ZMYND12: variants seen among roughly 807,000 people sequenced by gnomAD.
The protein encoded by ZMYND12 is zinc finger MYND domain-containing protein 12.
ZMYND12 carries 32 observed loss-of-function variants against 41.7 expected under a neutral mutation model. The ratio of observed to expected loss-of-function variants is 0.77; its 90% CI spans 0.58 to 1.03. The LOEUF (loss-of-function observed/expected upper bound fraction) is 1.03. Among genes scored for constraint, ZMYND12 ranks in the 50% least tolerant of loss-of-function variants. ZMYND12 has a pLI of 0.00. For synonymous variants in ZMYND12, 148 were observed against 164.8 expected (o/e 0.90, Z 0.78); for missense variants, 424 against 438.5 (o/e 0.97, Z 0.30).
intron 6 of ZMYND12, 66 bp downstream of exon 6, chr1:42,435,208 G>A (rs1642893710): frequency 1.6e-6 from 2 of 1,253,614 alleles, no homozygotes; most frequent in African/African-American, 1.5e-5. Flanking sequence ...TCCCTCTTAG[G>A]GACAAGGTCT....
chr1:42,437,689 T>A (rs11210644), intron 4 of ZMYND12, among the ~76,000 whole-genome samples: 50,268 of 147,822 alleles, frequency 0.34, 8,736 homozygotes, highest in East Asian at 0.62. Context: ...ATTTTCATAT[T>A]TTTTTTTTTG....
intron 7 of ZMYND12, chr1:42,432,738 G>A (rs67515109): frequency 0.22 from 36,877 of 168,282 alleles, 4,322 homozygotes; most frequent in South Asian, 0.43. Context: ...ATAACTGGTA[G>A]GTAAAAGTAC....
intron 1 of ZMYND12, among the ~76,000 whole-genome samples, chr1:42,455,424 C>T (rs1332551280): frequency 2.6e-5 from 4 of 152,270 alleles, no homozygotes; most frequent in Non-Finnish European, 5.9e-5. Flanking sequence ...AGGCGCCCAG[C>T]ACCACTCCCG....
intron 5 of ZMYND12, 130 bp from the exon 6 acceptor site, chr1:42,435,515 G>A (rs1642897204): frequency 8.9e-6 from 6 of 677,760 alleles, no homozygotes; most frequent in Admixed American, 2.3e-5. Context: ...ACTGTGCCTG[G>A]AGGCAGAGGG....
intron 4 of ZMYND12, among the ~76,000 whole-genome samples, chr1:42,436,960 C>T (rs1244210995): frequency 1.3e-5 from 2 of 152,126 alleles, no homozygotes; most frequent in Non-Finnish European, 2.9e-5. Flanking sequence ...AATTCCTCTT[C>T]TAAGTACCTA....
At chr1:42,434,478 T>C (rs769931915) in intron 6 of ZMYND12, among the ~76,000 whole-genome samples, 2 of 152,038 alleles carry the variant, frequency 1.3e-5, no homozygotes, top group Non-Finnish European at 2.9e-5. Flanking sequence ...CTGTTAGGAA[T>C]CGGGCTGCAC....
chr1:42,446,469 T>C (rs555018096), intron 3 of ZMYND12, among the ~76,000 whole-genome samples: 11 of 151,964 alleles, frequency 7.2e-5, no homozygotes, highest in Non-Finnish European at 1.3e-4. Context: ...ATCACAAACA[T>C]GGTGAAACCC....
At chr1:42,440,538 T>G (rs1642957932) in intron 3 of ZMYND12, among the ~76,000 whole-genome samples, 1 of 152,144 alleles carries the variant, frequency 6.6e-6, no homozygotes, top group African/African-American at 2.4e-5. Context: ...AGGGAGGCAC[T>G]AAGAGGGAGT....
intron 2 of ZMYND12, 44 bp downstream of exon 2, chr1:42,449,874 C>A: frequency 6.2e-7 from 1 of 1,601,226 alleles, no homozygotes; most frequent in South Asian, 1.1e-5. Context: ...TGGGCAGCTT[C>A]ACCGCACCTA....
At chr1:42,455,682 G>C (rs1643158977) in intron 1 of ZMYND12, among the ~76,000 whole-genome samples, 1 of 152,232 alleles carries the variant, frequency 6.6e-6, no homozygotes, top group Non-Finnish European at 1.5e-5. Context: ...ATAACACAGA[G>C]TACGCCTTCA....
intron 6 of ZMYND12, among the ~76,000 whole-genome samples, chr1:42,434,480 G>C (rs1468295685): frequency 6.6e-6 from 1 of 151,930 alleles, no homozygotes; most frequent in African/African-American, 2.4e-5. Context: ...GTTAGGAATC[G>C]GGCTGCACAG....
At position 42,452,949 on chromosome 1, in the gene ZMYND12, C is replaced by T. The variant is rs58594244; in HGVS notation, c.111-2890G>A. ...ATATTTTCAGGTTTTCTGCAGTGAG[C>T]ATGAATTGCAATTATAATCAGGAAA... On this transcript the variant is annotated intron_variant, in intron 1 of 7. Coordinates refer to ENST00000372565, the MANE Select transcript of ZMYND12 (RefSeq NM_032257.5). Among the ~76,000 whole-genome samples the T allele has an allele frequency of 7.7e-3, 1,171 of 151,672 alleles. 14 individuals carry two copies. Among genetic ancestry groups the T allele is most frequent in the African/African-American group, 0.026 (1,056 of 41,014 alleles).
At chr1:42,433,336 T>C in intron 6 of ZMYND12, 48 bp from the exon 7 acceptor site, 2 of 1,543,130 alleles carry the variant, frequency 1.3e-6, no homozygotes, top group Non-Finnish European at 1.7e-6. Context: ...GGCAACTGAG[T>C]CTGCCCTCAT....
At chr1:42,453,503 T>C (rs1011809781) in intron 1 of ZMYND12, among the ~76,000 whole-genome samples, 3 of 152,188 alleles carry the variant, frequency 2.0e-5, no homozygotes, top group African/African-American at 7.2e-5. Flanking sequence ...CTAGCATTAA[T>C]GGAGCATAAC....
Position 42,430,761 on chromosome 1 carries a change from G to A in ZMYND12, c.1073C>T (p.Ser358Leu). The change falls in exon 8 of 8, where the codon TCA (serine) becomes TTA (leucine). Residue 358 changes from serine (S) to leucine (L), a missense_variant. Ser to Leu is a moderately radical substitution (Grantham distance 145). Coordinates refer to ENST00000372565, the MANE Select transcript of ZMYND12 (RefSeq NM_032257.5). The part of the protein sequence containing the change: ...STIQELLSLI[S>L]TEDHPIT ...CTAAGTAATGGGATGGTCTTCAGTTGAAATGAGACTTAATAACTCTTGAAT... is the reference window on the plus strand; with the variant it reads ...CTAAGTAATGGGATGGTCTTCAGTTAAAATGAGACTTAATAACTCTTGAAT... The A allele has an allele frequency of 6.2e-7, 1 of 1,614,186 alleles. No individual in the cohort carries two copies. Among genetic ancestry groups the A allele is most frequent in the Non-Finnish European group, 8.5e-7 (1 of 1,180,020 alleles).
At chr1:42,454,704 C>CT (rs35101875) in intron 1 of ZMYND12, among the ~76,000 whole-genome samples, 28,610 of 143,194 alleles carry the variant, frequency 0.2, 3,063 homozygotes, top group South Asian at 0.42. Context: ...GATGTTCCAA[C>CT]TTTTTTTTTT....
intron 7 of ZMYND12, among the ~76,000 whole-genome samples, chr1:42,431,574 A>C (rs1284543791): frequency 6.6e-6 from 1 of 152,202 alleles, no homozygotes; most frequent in Non-Finnish European, 1.5e-5. Flanking sequence ...GAAGGCCTGA[A>C]GGAAGTGAGG....
At chr1:42,432,263 T>A (rs1466063163) in intron 7 of ZMYND12, among the ~76,000 whole-genome samples, 1 of 152,026 alleles carries the variant, frequency 6.6e-6, no homozygotes, top group Non-Finnish European at 1.5e-5. Context: ...GGTCTCATTA[T>A]GTTGCCCAGG....
Position 42,448,538 on chromosome 1 carries a change from C to A in ZMYND12, c.353G>T (p.Arg118Leu). The A allele has an allele frequency of 1.2e-6, 2 of 1,613,724 alleles. No individual in the cohort carries two copies. Among genetic ancestry groups the A allele is most frequent in the Non-Finnish European group, 1.7e-6 (2 of 1,179,816 alleles). ...GGAGCTCAGGCCATACAGCTTCACA[C>A]GGAAGCGAAGGGACTGCAAAGCTGC... ...VPAALQSLRF[R>L]VKLYGLSSVE... The change falls in exon 3 of 8, where the codon CGT becomes CTT. Residue 118 changes from arginine to leucine, a missense_variant. Arg to Leu is a moderately radical substitution (Grantham distance 102). Transcript: ENST00000372565.
Sources: allele counts gnomAD v4.1 joint callset (sites outside exome capture counted in the v4.1 genomes callset), GRCh38; gene constraint gnomAD v4.1.1; transcripts MANE v1.5; gene names NCBI Gene and HGNC (gene_info 2026-07-23, HGNC 2026-07-21).